TBK1: variants seen among roughly 807,000 people sequenced by gnomAD.
TBK1 encodes serine/threonine-protein kinase TBK1.
TBK1 carries 37 observed loss-of-function variants against 99.9 expected under a neutral mutation model. The observed-to-expected ratio is 0.37, with a 90% CI of 0.28 to 0.49. The LOEUF (loss-of-function observed/expected upper bound fraction) is 0.49. Ranked by LOEUF, TBK1 falls within the 20% of genes least tolerant of loss-of-function variation. TBK1 has a pLI of 0.98. For synonymous variants in TBK1, 258 were observed against 279.8 expected (o/e 0.92, Z 0.78); for missense variants, 644 against 872.5 (o/e 0.74, Z 3.30).
At chr12:64,467,919 A>G (rs2040622949) in intron 5 of TBK1, among the ~76,000 whole-genome samples, 2 of 152,238 alleles carry the variant, frequency 1.3e-5, no homozygotes, top group Non-Finnish European at 2.9e-5. Flanking sequence ...AATGGGTCAG[A>G]CACAGTGGCT....
At chr12:64,499,318 T>TA (rs1276568773) in intron 20 of TBK1, among the ~76,000 whole-genome samples, 4 of 152,214 alleles carry the variant, frequency 2.6e-5, no homozygotes, top group Non-Finnish European at 4.4e-5. Context: ...GTGCTGGGAT[T>TA]ACAGGCATGA....
rs537108496 is a variant in TBK1 at position 64,497,828 on chromosome 12, T to C, written c.2066+74T>C. 6.3e-6 allele frequency: 9 copies of C among 1,420,730 alleles called. No individual in the cohort carries two copies. The African/African-American group carries it at 1.3e-4, about 20-fold the overall frequency. 88.0% of individuals were successfully genotyped at this position (1,420,730 alleles called of 1,614,324 possible). ...TGCAGTTTGTGCTTTTGCTCTTACA[T>C]TTTGAAATTTTTTATGTTTGTTGTA... On this transcript the variant is annotated intron_variant, in intron 19 of 20. Transcript: ENST00000331710.
chr12:64,458,512 C>CATATATATAT lies in TBK1; in HGVS notation c.88-1666_88-1657dup, dbSNP rs10626258. Among the ~76,000 whole-genome samples the CATATATATAT allele has an allele frequency of 7.5e-3, 1,085 of 144,126 alleles. 13 individuals are homozygous for CATATATATAT. The highest frequency in any genetic ancestry group is 0.026 in the African/African-American group (1,008 of 39,170). 94.6% of individuals were successfully genotyped at this position (144,126 alleles called of 152,430 possible). Reference sequence around the variant, plus strand: ...GTTGATCTGCACATATGGATATATACATATATATATATATATATATGGATC... The same window carrying CATATATATAT: ...GTTGATCTGCACATATGGATATATACATATATATATATATATATATATATATATATGGATC... On this transcript the variant is annotated intron_variant, in intron 2 of 20. Transcript: ENST00000331710.
chr12:64,499,693 C>CTTTTTTTTTTTT (rs56725684), intron 20 of TBK1, among the ~76,000 whole-genome samples: 5 of 82,934 alleles, frequency 6.0e-5, no homozygotes, highest in Admixed American at 1.7e-4. Flanking sequence ...TAAAGATGTG[C>CTTTTTTTTTTTT]TTTTTTTTTT....
intron 5 of TBK1, among the ~76,000 whole-genome samples, chr12:64,471,315 C>T (rs761972149): frequency 1.7e-4 from 25 of 149,358 alleles, no homozygotes; most frequent in Non-Finnish European, 3.4e-4. Context: ...GTTACAGGTG[C>T]ACACCACCAC....
chr12:64,478,183 C>T (rs999515043), intron 6 of TBK1, among the ~76,000 whole-genome samples: 17 of 152,138 alleles, frequency 1.1e-4, no homozygotes, highest in African/African-American at 3.6e-4. Flanking sequence ...GACAGTTTCA[C>T]TCTGTTGCCC....
At position 64,463,109 on chromosome 12, in the gene TBK1, C is replaced by T. The variant is rs2040564095; in HGVS notation, c.229-1225C>T. Among the ~76,000 whole-genome samples, 4 of 152,314 alleles carry T rather than the reference C, an allele frequency of 2.6e-5. 1 individual carries two copies. The highest frequency in any genetic ancestry group is 4.1e-4 in the South Asian group (2 of 4,822). On this transcript the variant is annotated intron_variant, in intron 3 of 20. Coordinates refer to ENST00000331710, the MANE Select transcript of TBK1 (RefSeq NM_013254.4). ...AATTCAGCACTGGTGTGGTGACTCACGCCTGTAATCCCAGCACTTTGGGAG... is the reference window on the plus strand; with the variant it reads ...AATTCAGCACTGGTGTGGTGACTCATGCCTGTAATCCCAGCACTTTGGGAG...
rs1300949871 is a variant in TBK1 at position 64,485,912 on chromosome 12, T to C, written c.1249-14T>C. The stretch of plus-strand genomic sequence containing the variant: ...CAATTAGCACCAAATATTGACATTT[T>C]ATTTCTTTATTAGGCAATAACAGGG... On this transcript the variant is annotated splice_polypyrimidine_tract_variant and intron_variant, in intron 10 of 20. Transcript: ENST00000331710. 1.3e-6 allele frequency: 2 copies of C among 1,543,264 alleles called. No individual in the cohort carries two copies. Among genetic ancestry groups the C allele is most frequent in the Admixed American group, 2.1e-5 (1 of 47,848 alleles).
In TBK1 at chr12:64,501,310, T is replaced by A. The variant is rs201971970; in HGVS notation, c.2139-20T>A. On this transcript the variant is annotated intron_variant, in intron 20 of 20. Transcript: ENST00000331710. ...TGCAACTTTTGAGATTACCTTTTTT[T>A]CTTTGTGTGTGTGTTTTAGGTTTGG... 6.2e-7 allele frequency: 1 copy of A among 1,613,488 alleles called. No homozygotes were observed. The highest frequency in any genetic ancestry group is 2.2e-5 in the East Asian group (1 of 44,856).
intron 12 of TBK1, among the ~76,000 whole-genome samples, chr12:64,489,408 T>C (rs1055991791): frequency 1.3e-5 from 2 of 152,268 alleles, no homozygotes; most frequent in Non-Finnish European, 2.9e-5. Flanking sequence ...GTATTCACTA[T>C]TGACCTTCAT....
chr12:64,473,700 T>C (rs960803335), intron 5 of TBK1, among the ~76,000 whole-genome samples: 4 of 152,034 alleles, frequency 2.6e-5, no homozygotes, highest in Non-Finnish European at 5.9e-5. Context: ...CCAAGGCTCT[T>C]AAGGTCCTCA....
chr12:64,495,302 G>A, intron 13 of TBK1, 181 bp from the exon 14 acceptor site: 1 of 640,940 alleles, frequency 1.6e-6, no homozygotes, highest in East Asian at 3.0e-5. Context: ...TTATCATACT[G>A]TACCCCTGGT....
chr12:64,469,314 T>C (rs2040638170), intron 5 of TBK1, among the ~76,000 whole-genome samples: 1 of 151,974 alleles, frequency 6.6e-6, no homozygotes, highest in African/African-American at 2.4e-5. Flanking sequence ...ACCAGGGACT[T>C]TCATCTTAGC....
At chr12:64,485,875 T>TA (rs1267541543) in intron 10 of TBK1, 51 bp from the exon 11 acceptor site, 1 of 1,333,522 alleles carries the variant, frequency 7.5e-7, no homozygotes, top group East Asian at 2.6e-5. Flanking sequence ...AAGTTTTTCT[T>TA]ACCCTATACC....
chr12:64,469,378 C>T (rs1285064588), intron 5 of TBK1, among the ~76,000 whole-genome samples: 2 of 152,058 alleles, frequency 1.3e-5, no homozygotes, highest in Non-Finnish European at 2.9e-5. Flanking sequence ...CCTTCCTGCT[C>T]CTTTCTCCGT....
At chr12:64,491,200 A>G (rs1488128202) in intron 13 of TBK1, among the ~76,000 whole-genome samples, 2 of 152,136 alleles carry the variant, frequency 1.3e-5, no homozygotes, top group African/African-American at 4.8e-5. Flanking sequence ...CTGCCTACTC[A>G]TGACTGGCTA....
At position 64,485,949 on chromosome 12, in the gene TBK1, T is replaced by C. The variant is rs2040816577; in HGVS notation, c.1272T>C (p.Tyr424=). 6.3e-7 allele frequency: 1 copy of C among 1,591,808 alleles called. No individual in the cohort carries two copies. Among genetic ancestry groups the C allele is most frequent in the Non-Finnish European group, 8.5e-7 (1 of 1,170,288 alleles). The change falls in exon 11 of 21, where the codon TAT becomes TAC. Residue 424 remains tyrosine, a synonymous_variant. Coordinates refer to ENST00000331710, the MANE Select transcript of TBK1 (RefSeq NM_013254.4). ...MAKAITGVVC[Y]ACRIASTLLL... ...AGGCAATAACAGGGGTTGTGTGTTA[T>C]GCCTGCAGAATTGCCAGTACCTTAC... is the stretch of plus-strand genomic sequence containing the variant.
chr12:64,501,017 C>G lies in TBK1; in HGVS notation c.2139-313C>G, dbSNP rs11175417. ...CAAGTGATCTGCCTGCCTCGGCCTC[C>G]CAAAGTGCTGGGATTACAGGCGTGA... On this transcript the variant is annotated intron_variant, in intron 20 of 20. Transcript: ENST00000331710. 0.31 allele frequency among the ~76,000 whole-genome samples: 47,068 copies of G among 151,976 alleles called. 7,729 individuals carry two copies. The highest frequency in any genetic ancestry group is 0.56 in the East Asian group (2,895 of 5,150).
At chr12:64,497,289 ATTC>A in intron 18 of TBK1, 30 bp downstream of exon 18, 1 of 1,451,442 alleles carries the variant, frequency 6.9e-7, no homozygotes, top group Middle Eastern at 2.0e-4. Context: ...AAAAATTAAA[ATTC>A]TTCTCAGTTT....
Sources: allele counts gnomAD v4.1 joint callset (sites outside exome capture counted in the v4.1 genomes callset), GRCh38; gene constraint gnomAD v4.1.1; transcripts MANE v1.5; gene names NCBI Gene and HGNC (gene_info 2026-07-23, HGNC 2026-07-21).